The following FRMD4B variants were observed in gnomAD, a reference collection of about 807,000 sequenced individuals.
FRMD4B encodes FERM domain containing 4B.
In FRMD4B, 74 loss-of-function variants were observed where a neutral mutation model predicts 141.5. The ratio of observed to expected loss-of-function variants is 0.52; its 90% CI spans 0.43 to 0.63. The LOEUF (loss-of-function observed/expected upper bound fraction) is 0.63, where lower values mean the gene tolerates loss of function less well. Ranked by LOEUF, FRMD4B falls within the 30% of genes least tolerant of loss-of-function variation. The pLI is 0.00. For synonymous variants in FRMD4B, 506 were observed against 467.9 expected, an observed-to-expected ratio of 1.08 and a Z score of -1.05; for missense variants, 1,366 against 1,253.4, an observed-to-expected ratio of 1.09 and a Z score of -1.36.
Position 69,278,081 on chromosome 3 carries a change from C to T in FRMD4B, c.501+9671G>A, listed in dbSNP as rs188962984. Among the ~76,000 whole-genome samples the T allele has an allele frequency of 5.6e-3, 856 of 152,128 alleles. 4 individuals are homozygous for T. Among genetic ancestry groups the T allele is most frequent in the Non-Finnish European group, 8.3e-3 (567 of 67,998 alleles). On this transcript the variant is annotated intron_variant, in intron 5 of 22. Transcript: ENST00000398540. ...ATATTGGCCAGGCTGGTCTCGAACT[C>T]CTGTCCTTGTGATCCGCCTGCCTTG... is the stretch of plus-strand genomic sequence containing the variant.
At chr3:69,360,788 A>G (rs988734390) in intron 1 of FRMD4B, among the ~76,000 whole-genome samples, 2 of 152,188 alleles carry the variant, frequency 1.3e-5, no homozygotes, top group African/African-American at 4.8e-5. Context: ...ACTATCTCAT[A>G]GGTCGCCACT....
intron 1 of FRMD4B, among the ~76,000 whole-genome samples, chr3:69,327,395 C>T (rs2107314600): frequency 6.6e-6 from 1 of 152,276 alleles, no homozygotes; most frequent in East Asian, 1.9e-4. Context: ...TTTGGAAATC[C>T]TGGGCTCAAT....
chr3:69,263,935 C>T (rs1198887440), intron 5 of FRMD4B, among the ~76,000 whole-genome samples: 1 of 145,594 alleles, frequency 6.9e-6, no homozygotes. Flanking sequence ...AAGCAATTCT[C>T]ATGTCTCAGC....
At chr3:69,187,232 T>TACCC (rs1330234110) in intron 19 of FRMD4B, among the ~76,000 whole-genome samples, 3 of 152,106 alleles carry the variant, frequency 2.0e-5, no homozygotes, top group African/African-American at 7.2e-5. Context: ...AATGGTCAAA[T>TACCC]GCATTTTAAA....
intron 1 of FRMD4B, among the ~76,000 whole-genome samples, chr3:69,500,342 G>A (rs978538228): frequency 2.0e-5 from 3 of 152,210 alleles, no homozygotes; most frequent in African/African-American, 7.2e-5. Context: ...CCTGGTTGAA[G>A]ATGCGCGGAG....
At chr3:69,208,941 C>T (rs775163331) in intron 11 of FRMD4B, among the ~76,000 whole-genome samples, 142 of 151,996 alleles carry the variant, frequency 9.3e-4, no homozygotes, top group Non-Finnish European at 1.2e-3. Context: ...GTCAGGGGTT[C>T]GAGGCCAGCC....
chr3:69,323,325 G>A (rs961274739), intron 1 of FRMD4B, among the ~76,000 whole-genome samples: 1 of 151,954 alleles, frequency 6.6e-6, no homozygotes, highest in Non-Finnish European at 1.5e-5. Context: ...CCAGCACTTT[G>A]GGAGGCTGAG....
chr3:69,247,936 AC>A, intron 7 of FRMD4B, among the ~76,000 whole-genome samples: 1 of 152,214 alleles, frequency 6.6e-6, no homozygotes, highest in South Asian at 2.1e-4. Flanking sequence ...GGCGTGAGCC[AC>A]CGTGCCCGGC....
chr3:69,186,921 G>C (rs1360588474), intron 19 of FRMD4B, among the ~76,000 whole-genome samples: 1 of 152,210 alleles, frequency 6.6e-6, no homozygotes, highest in African/African-American at 2.4e-5. Flanking sequence ...ATACAGCCAA[G>C]TTCTGGGAAC....
At chr3:69,414,299 G>A (rs1356640522) in intron 2 of FRMD4B, among the ~76,000 whole-genome samples, 1 of 152,116 alleles carries the variant, frequency 6.6e-6, no homozygotes, top group Non-Finnish European at 1.5e-5. Context: ...GGACAAGACT[G>A]TCCGTCAAGC....
intron 7 of FRMD4B, among the ~76,000 whole-genome samples, chr3:69,243,196 C>T (rs2093399418): frequency 6.6e-6 from 1 of 152,054 alleles, no homozygotes; most frequent in South Asian, 2.1e-4. Context: ...AAATGGAAGT[C>T]CCCACTCCAC....
intron 1 of FRMD4B, among the ~76,000 whole-genome samples, chr3:69,437,505 ACT>A (rs1705277338): frequency 6.9e-6 from 1 of 145,878 alleles, no homozygotes; most frequent in Non-Finnish European, 1.5e-5. Flanking sequence ...CATAACATAC[ACT>A]GTTATATGTA....
At chr3:69,461,962 G>A (rs543841927) in intron 1 of FRMD4B, among the ~76,000 whole-genome samples, 1 of 152,212 alleles carries the variant, frequency 6.6e-6, no homozygotes, top group Admixed American at 6.5e-5. Flanking sequence ...TTAGTAAGAG[G>A]CAGGCCTGCT....
At chr3:69,322,124 G>A (rs576511433) in intron 1 of FRMD4B, among the ~76,000 whole-genome samples, 1 of 152,280 alleles carries the variant, frequency 6.6e-6, no homozygotes, top group East Asian at 1.9e-4. Flanking sequence ...CAGAGAACAA[G>A]GTGTGTTATT....
At chr3:69,392,866 T>G (rs569515158) in intron 2 of FRMD4B, among the ~76,000 whole-genome samples, 77 of 152,184 alleles carry the variant, frequency 5.1e-4, no homozygotes, top group Middle Eastern at 3.4e-3. Flanking sequence ...TCAATGCCAC[T>G]CGAGCCAGAG....
At chr3:69,387,949 C>T (rs529005071), upstream of FRMD4B, among the ~76,000 whole-genome samples, 3 of 151,366 alleles carry the variant, frequency 2.0e-5, no homozygotes, top group South Asian at 2.1e-4. Flanking sequence ...ATGATGGTAA[C>T]GATGAATCTG....
At chr3:69,459,822 T>G (rs753342636) in intron 1 of FRMD4B, among the ~76,000 whole-genome samples, 1 of 152,222 alleles carries the variant, frequency 6.6e-6, no homozygotes, top group Non-Finnish European at 1.5e-5. Context: ...TGTTACCTCT[T>G]TTGTGTTCCA....
intron 5 of FRMD4B, among the ~76,000 whole-genome samples, chr3:69,274,767 C>T (rs767355877): frequency 1.1e-4 from 17 of 152,168 alleles, no homozygotes; most frequent in Non-Finnish European, 2.1e-4. Context: ...GATCCACTTG[C>T]TTTAGCCTTC....
rs1415288097 is a variant in FRMD4B at position 69,169,520 on chromosome 3, G to T, written c.*2341C>A. 2.0e-5 allele frequency among the ~76,000 whole-genome samples: 3 copies of T among 151,936 alleles called. No individual in the cohort carries two copies. Among genetic ancestry groups the T allele is most frequent in the Non-Finnish European group, 4.4e-5 (3 of 67,996 alleles). On this transcript the variant is annotated 3_prime_UTR_variant, in exon 23 of 23. Coordinates refer to ENST00000398540, the MANE Select transcript of FRMD4B (RefSeq NM_015123.3). The stretch of plus-strand genomic sequence containing the variant: ...TTACAGGCACACATCACCATGACTG[G>T]CTAATTTTTGTATTTTCATAGAGAT...
Sources: gnomAD v4.1 joint callset for allele counts (sites outside exome capture counted in the v4.1 genomes callset) on GRCh38, gnomAD v4.1.1 for gene constraint, MANE v1.5 for transcripts, NCBI Gene and HGNC (gene_info 2026-07-23, HGNC 2026-07-21) for gene names.